QKI: variants seen among roughly 807,000 people sequenced by gnomAD.
The protein encoded by QKI is QKI, KH domain containing RNA binding, also known as KH domain-containing RNA-binding protein QKI.
QKI carries 10 observed loss-of-function variants against 39.0 expected under a neutral mutation model. That is an observed-to-expected ratio of 0.26 (90% CI 0.16 to 0.43). The LOEUF is 0.43. QKI is among the 20% of genes least tolerant of loss of function. The pLI is 1.00. For missense variants in QKI, 218 were observed against 428.0 expected, an observed-to-expected ratio of 0.51 and a Z score of 4.33; for synonymous variants, 204 against 155.4, an observed-to-expected ratio of 1.31 and a Z score of -2.33.
At chr6:163,444,616 AT>A (rs1790008105) in intron 1 of QKI, among the ~76,000 whole-genome samples, 1 of 152,240 alleles carries the variant, frequency 6.6e-6, no homozygotes, top group Non-Finnish European at 1.5e-5. Flanking sequence ...TGAGGTTAAC[AT>A]TAGATCTTTT....
chr6:163,499,799 A>G (rs1384204352), intron 3 of QKI, among the ~76,000 whole-genome samples: 1 of 152,166 alleles, frequency 6.6e-6, no homozygotes, highest in Non-Finnish European at 1.5e-5. Context: ...TGGACTAGAC[A>G]CAAAACTGGG....
intron 1 of QKI, among the ~76,000 whole-genome samples, chr6:163,427,003 G>T (rs993619683): frequency 1.3e-5 from 2 of 152,018 alleles, no homozygotes; most frequent in African/African-American, 4.8e-5. Context: ...CTTGCTTTCT[G>T]GGGCACAAGG....
intron 1 of QKI, among the ~76,000 whole-genome samples, chr6:163,442,355 T>A (rs987784707): frequency 6.6e-6 from 1 of 152,238 alleles, no homozygotes; most frequent in African/African-American, 2.4e-5. Context: ...TTATTAGACA[T>A]AACTTTCATG....
At chr6:163,456,510 T>G (rs1790928414) in intron 2 of QKI, among the ~76,000 whole-genome samples, 2 of 152,180 alleles carry the variant, frequency 1.3e-5, no homozygotes, top group Non-Finnish European at 2.9e-5. Flanking sequence ...ATATCAAAAA[T>G]ATGATGTGCT....
chr6:163,513,483 G>T (rs981786179), intron 3 of QKI, among the ~76,000 whole-genome samples: 2 of 152,012 alleles, frequency 1.3e-5, no homozygotes, highest in African/African-American at 4.8e-5. Context: ...AACTTATTTC[G>T]TCCTGTCATT....
At position 163,566,702 on chromosome 6, in the gene QKI, G is replaced by A; in HGVS notation, c.935-19G>A. ...GTGAATGTTTTCTAACTTTGTCTTGGTAATTGCAATTTAACTAGGTGCGGT... is the reference window on the plus strand; with the variant it reads ...GTGAATGTTTTCTAACTTTGTCTTGATAATTGCAATTTAACTAGGTGCGGT... On this transcript the variant is annotated intron_variant, in intron 6 of 7. Transcript: ENST00000361752. 1 of 1,612,694 alleles carries A rather than the reference G, an allele frequency of 6.2e-7. No individual in the cohort carries two copies. Among genetic ancestry groups the A allele is most frequent in the Non-Finnish European group, 8.5e-7 (1 of 1,179,362 alleles).
At chr6:163,429,294 T>C (rs1788652504) in intron 1 of QKI, among the ~76,000 whole-genome samples, 1 of 152,102 alleles carries the variant, frequency 6.6e-6, no homozygotes, top group African/African-American at 2.4e-5. Context: ...AATTAAAAAG[T>C]TAAAAGTACT....
intron 4 of QKI, among the ~76,000 whole-genome samples, chr6:163,549,419 G>C (rs1025748932): frequency 6.6e-6 from 1 of 151,984 alleles, no homozygotes; most frequent in African/African-American, 2.4e-5. Context: ...CTTACTTCCT[G>C]AAAACACTGC....
chr6:163,431,635 GGTT>G (rs1271533077), intron 1 of QKI, among the ~76,000 whole-genome samples: 4 of 151,850 alleles, frequency 2.6e-5, no homozygotes, highest in African/African-American at 7.3e-5. Flanking sequence ...CAGTAACACC[GGTT>G]GTTTTCTGTG....
intron 3 of QKI, among the ~76,000 whole-genome samples, chr6:163,511,385 C>T (rs1478320510): frequency 2.6e-5 from 4 of 151,686 alleles, no homozygotes; most frequent in Admixed American, 1.3e-4. Flanking sequence ...AAATAGAATA[C>T]GGACAACTAG....
chr6:163,504,534 T>C (rs1778977656), intron 3 of QKI, among the ~76,000 whole-genome samples: 1 of 152,232 alleles, frequency 6.6e-6, no homozygotes, highest in Non-Finnish European at 1.5e-5. Context: ...CTGGTTTCTT[T>C]TAGCAGTGTT....
chr6:163,455,091 A>G, intron 1 of QKI, 188 bp from the exon 2 acceptor site: 1 of 407,318 alleles, frequency 2.5e-6, no homozygotes. Context: ...TTTGTAGTAG[A>G]AATTAATTAA....
intron 1 of QKI, among the ~76,000 whole-genome samples, chr6:163,447,146 T>C (rs1331457803): frequency 6.6e-6 from 1 of 152,112 alleles, no homozygotes; most frequent in East Asian, 1.9e-4. Flanking sequence ...TAAGTAAAGC[T>C]GGTTAGACTA....
chr6:163,451,446 AGAG>A (rs1467422725), intron 1 of QKI, among the ~76,000 whole-genome samples: 2 of 152,218 alleles, frequency 1.3e-5, no homozygotes, highest in African/African-American at 2.4e-5. Context: ...GGTTTAGGGA[AGAG>A]GACACTTAGA....
chr6:163,483,323 A>G (rs917389534), intron 3 of QKI, among the ~76,000 whole-genome samples: 4 of 152,110 alleles, frequency 2.6e-5, no homozygotes, highest in Admixed American at 1.3e-4. Context: ...GTGGTTGCCA[A>G]TGGTTGGGGT....
chr6:163,568,991 C>CA (rs1783541206), intron 7 of QKI: 1 of 985,318 alleles, frequency 1.0e-6, no homozygotes, highest in Non-Finnish European at 1.2e-6. Flanking sequence ...GAAAAGAAGT[C>CA]AGAGTTTTTT....
chr6:163,499,520 T>G (rs1460224178), intron 3 of QKI, among the ~76,000 whole-genome samples: 1 of 152,210 alleles, frequency 6.6e-6, no homozygotes, highest in African/African-American at 2.4e-5. Flanking sequence ...ATTAAATATA[T>G]GCTAAAACGT....
At chr6:163,528,247 G>A (rs936528693) in intron 3 of QKI, among the ~76,000 whole-genome samples, 3 of 152,172 alleles carry the variant, frequency 2.0e-5, no homozygotes, top group African/African-American at 7.2e-5. Flanking sequence ...AGGACAAGAT[G>A]TGCTTAGAAT....
intron 2 of QKI, among the ~76,000 whole-genome samples, chr6:163,469,272 A>G (rs1478449116): frequency 6.6e-6 from 1 of 152,140 alleles, no homozygotes; most frequent in African/African-American, 2.4e-5. Context: ...AAGGCTCTAT[A>G]TGTGGTCACA....
Sources: allele counts gnomAD v4.1 joint callset (sites outside exome capture counted in the v4.1 genomes callset), GRCh38; gene constraint gnomAD v4.1.1; transcripts MANE v1.5; gene names NCBI Gene and HGNC (gene_info 2026-07-23, HGNC 2026-07-21).